The following MYH14 variants were observed in gnomAD, a reference collection of about 807,000 sequenced individuals.
The protein encoded by MYH14 is myosin heavy chain 14.
In MYH14, 123 loss-of-function variants were observed where a neutral mutation model predicts 255.5. The ratio of observed to expected loss-of-function variants is 0.48; its 90% confidence interval spans 0.42 to 0.56. The LOEUF (loss-of-function observed/expected upper bound fraction) is 0.56. Ranked by LOEUF, MYH14 falls within the 20% of genes least tolerant of loss-of-function variation. The pLI is 0.00. For synonymous variants in MYH14, 1,095 were observed against 1,161.2 expected, an observed-to-expected ratio of 0.94 and a Z score of 1.16; for missense variants, 2,423 against 2,802.3, an observed-to-expected ratio of 0.86 and a Z score of 3.06.
Position 50,257,393 on chromosome 19 carries a change from G to A in MYH14, c.2139G>A (p.Gln713=). The A allele has an allele frequency of 6.2e-7, 1 of 1,608,270 alleles. No individual in the cohort carries two copies. Among genetic ancestry groups the A allele is most frequent in the Non-Finnish European group, 8.5e-7 (1 of 1,177,276 alleles). Residue 713 remains glutamine, a synonymous_variant, in exon 18 of 43, where the codon CAG becomes CAA. Transcript: ENST00000642316. ...GGGGTATGTTCCGGACAGTGGGACA[G>A]CTCTACAAGGAGTCCCTGAGCCGCC... ...PRRGMFRTVG[Q]LYKESLSRLM... is the part of the protein sequence containing the mutation.
At chr19:50,303,650 A>C (rs778314965) in intron 40 of MYH14, among the ~76,000 whole-genome samples, 1 of 152,188 alleles carries the variant, frequency 6.6e-6, no homozygotes, top group East Asian at 1.9e-4. Context: ...ACAAAGAGGA[A>C]TGTCTTTTTT....
At chr19:50,208,221 C>T (rs1382363483) in intron 1 of MYH14, among the ~76,000 whole-genome samples, 2 of 152,244 alleles carry the variant, frequency 1.3e-5, no homozygotes, top group East Asian at 3.9e-4. Flanking sequence ...TTGAGACCAG[C>T]CTGGCCAACA....
At position 50,249,107 on chromosome 19, in the gene MYH14, A is replaced by G. The variant is rs1475307304; in HGVS notation, c.1450A>G (p.Ile484Val). 6.3e-7 allele frequency: 1 copy of G among 1,596,404 alleles called. No individual in the cohort carries two copies. The highest frequency in any genetic ancestry group is 1.8e-5 in the Admixed American group (1 of 57,108). Residue 484 changes from isoleucine to valine, a missense_variant, in exon 13 of 43, where the codon ATC (isoleucine) becomes GTC (valine). This residue lies in a region of MYH14 where 672 missense variants were observed against 881.8 expected (regional missense o/e 0.76). Transcript: ENST00000642316. ...SPRQGASFLGILDIAGFEIFQ... is the reference protein window; with the variant it reads ...SPRQGASFLGVLDIAGFEIFQ... ...CCGCCAAGGCGCCTCCTTCCTGGGC[A>G]TCCTGGACATCGCGGGCTTTGAGAT...
chr19:50,242,516 A>G (rs2033930224), intron 10 of MYH14, among the ~76,000 whole-genome samples: 1 of 152,182 alleles, frequency 6.6e-6, no homozygotes, highest in Non-Finnish European at 1.5e-5. Flanking sequence ...CCACGAGAAC[A>G]GTATGGGGGA....
rs148690850 is a variant in MYH14 at position 50,299,428 on chromosome 19, G to A, written c.5470-2233G>A. On this transcript the variant is annotated intron_variant, in intron 39 of 42. Coordinates refer to ENST00000642316, the MANE Select transcript of MYH14 (RefSeq NM_001145809.2). ...CTACAAAAAAATACAAAAATGAGCC[G>A]GACGTGGTGGTGTGTGCCTGTAGTC... Among the ~76,000 whole-genome samples, 452 of 151,476 alleles carry A rather than the reference G, an allele frequency of 3.0e-3. 3 individuals carry two copies. Among genetic ancestry groups the A allele is most frequent in the African/African-American group, 0.01 (423 of 41,258 alleles).
intron 34 of MYH14, among the ~76,000 whole-genome samples, chr19:50,289,033 A>G (rs1021186261): frequency 3.4e-5 from 5 of 145,452 alleles, no homozygotes; most frequent in African/African-American, 1.4e-4. Flanking sequence ...ACCAGCACTG[A>G]TGACCCTGGA....
chr19:50,225,534 C>T (rs1231266226), intron 6 of MYH14, 51 bp from the exon 7 acceptor site: 3 of 1,476,292 alleles, frequency 2.0e-6, no homozygotes, highest in African/African-American at 2.8e-5. Flanking sequence ...GCTGGCCTGG[C>T]CTCCTGCCCC....
At chr19:50,224,074 A>T in intron 5 of MYH14, 80 bp from the exon 6 acceptor site, 1 of 936,734 alleles carries the variant, frequency 1.1e-6, no homozygotes, top group Non-Finnish European at 1.6e-6. Context: ...ACCACCTGAG[A>T]TCACTGGTTC....
chr19:50,217,550 G>A, intron 2 of MYH14, 65 bp from the exon 3 acceptor site: 2 of 1,598,302 alleles, frequency 1.3e-6, no homozygotes, highest in Non-Finnish European at 1.7e-6. Context: ...CTGCTCAGCA[G>A]CCCCATGACG....
chr19:50,301,880 G>T lies in MYH14; in HGVS notation c.5678+11G>T. 6.2e-7 allele frequency: 1 copy of T among 1,603,676 alleles called. No homozygotes were observed. The highest frequency in any genetic ancestry group is 8.5e-7 in the Non-Finnish European group (1 of 1,174,360). On this transcript the variant is annotated intron_variant, in intron 40 of 42. Transcript: ENST00000642316. ...AGAGCAAGAGACCAGGTAGGTGAGA[G>T]CGGAGGCCACAGGAGAAAGGTGACC... is the stretch of plus-strand genomic sequence containing the variant.
At position 50,276,292 on chromosome 19, in the gene MYH14, GGCTT is replaced by G; in HGVS notation, c.3680+90_3680+93del. 4 of 1,056,312 alleles carry G rather than the reference GGCTT, an allele frequency of 3.8e-6. No individual in the cohort carries two copies. Among genetic ancestry groups the G allele is most frequent in the Non-Finnish European group, 5.3e-6 (4 of 751,008 alleles). 65.4% of individuals were successfully genotyped at this position (1,056,312 alleles called of 1,614,324 possible). A position where few individuals can be genotyped will look rare whatever the true frequency, so the allele number is the denominator to read the frequency against. ...GGTACAAAGTCTCTGTCTATACAGA[GGCTT>G]ACTTATTGTACAGTTGTTCATGAAC... On this transcript the variant is annotated intron_variant, in intron 28 of 42. Coordinates refer to ENST00000642316, the MANE Select transcript of MYH14 (RefSeq NM_001145809.2). This position sits in a 1 kb window ranked among gnomAD's most constrained non-coding sequence, Gnocchi z 4.3.
rs1235056978 is a variant in MYH14 at position 50,266,963 on chromosome 19, G to A, written c.2781G>A (p.Gln927=). 3 of 1,566,632 alleles carry A rather than the reference G, an allele frequency of 1.9e-6. No individual in the cohort carries two copies. The highest frequency in any genetic ancestry group is 2.6e-6 in the Non-Finnish European group (3 of 1,155,768). Reference sequence around the variant, plus strand: ...TGCAGAAAGTGCAGGAGCTACAGCAGCAGAGCGCCCGCGAAGTTGGGGAGC... The same window carrying A: ...TGCAGAAAGTGCAGGAGCTACAGCAACAGAGCGCCCGCGAAGTTGGGGAGC... The part of the protein sequence containing the change: ...QELQKVQELQ[Q]QSAREVGELQ... The change falls in exon 23 of 43, where the codon CAG becomes CAA. Residue 927 remains glutamine, a synonymous_variant. Transcript: ENST00000642316. This position sits in a 1 kb window ranked among gnomAD's most constrained non-coding sequence, Gnocchi z 4.1.
At position 50,217,709 on chromosome 19, in the gene MYH14, G is replaced by A. The variant is rs776632941; in HGVS notation, c.500G>A (p.Arg167His). 81 of 1,613,828 alleles carry A rather than the reference G, an allele frequency of 5.0e-5. No individual in the cohort carries two copies. The highest frequency in any genetic ancestry group is 6.2e-5 in the Non-Finnish European group (73 of 1,179,904). ...GTGGAGATGTACCGGGGCAAGAAGC[G>A]CCACGAGGTGCCACCCCACGTGTAC... ...AIVEMYRGKKRHEVPPHVYAV... is the reference protein window; with the variant it reads ...AIVEMYRGKKHHEVPPHVYAV... The change falls in exon 3 of 43, where the codon CGC (arginine) becomes CAC (histidine). Residue 167 changes from arginine to histidine, a missense_variant. Physicochemically the swap from Arg to His is conservative, Grantham distance 29. Transcript: ENST00000642316.
chr19:50,271,907 A>C lies in MYH14; in HGVS notation c.3230A>C (p.Glu1077Ala). 2 of 1,613,172 alleles carry C rather than the reference A, an allele frequency of 1.2e-6. No individual in the cohort carries two copies. The highest frequency in any genetic ancestry group is 1.7e-6 in the Non-Finnish European group (2 of 1,179,670). ...AEFSSQAAEE[E>A]EKVKSLNKLR... ...TTCTCATCCCAGGCAGCTGAGGAGG[A>C]GGAGAAGGTCAAGAGCCTCAATAAG... The change falls in exon 26 of 43, where the codon GAG (glutamate) becomes GCG (alanine). Residue 1077 changes from glutamate to alanine, a missense_variant. This residue lies in a region of MYH14 where 1,513 missense variants were observed against 1,674.8 expected (regional missense o/e 0.90). Coordinates refer to ENST00000642316, the MANE Select transcript of MYH14 (RefSeq NM_001145809.2).
chr19:50,243,713 G>A (rs1483417124), intron 10 of MYH14, among the ~76,000 whole-genome samples: 1 of 152,228 alleles, frequency 6.6e-6, no homozygotes, highest in Non-Finnish European at 1.5e-5. Flanking sequence ...CACATAGATA[G>A]CAGTAAGCCA....
intron 10 of MYH14, among the ~76,000 whole-genome samples, chr19:50,232,604 A>C (rs1450160490): frequency 4.0e-5 from 6 of 151,126 alleles, no homozygotes; most frequent in Non-Finnish European, 8.9e-5. Flanking sequence ...AAAAAAAAAA[A>C]AAAAAAAAAA....
chr19:50,293,114 C>G lies in MYH14; in HGVS notation c.5257-119C>G. ...AGGTTGCAGCTCATTCCAGGGTTAC[C>G]CAGGGACAGCATGAGAAAAAAGCCA... On this transcript the variant is annotated intron_variant, in intron 37 of 42. Transcript: ENST00000642316. The surrounding 1 kb of genome is among the most constrained non-coding windows in gnomAD (Gnocchi z 4.1). The G allele has an allele frequency of 1.4e-6, 1 of 739,256 alleles. No homozygotes were observed. The highest frequency in any genetic ancestry group is 1.6e-5 in the South Asian group (1 of 64,506). The allele number at this position is 739,256 out of a possible 1,614,324, so 45.8% of individuals were successfully genotyped here.
Position 50,225,638 on chromosome 19 carries a change from C to T in MYH14, c.771C>T (p.Gly257=), listed in dbSNP as rs1358550982. ...CCAACCCCATCCTAGAGGCCTTTGG[C>T]AATGCCAAGACAGTGAAGAATGACA... The part of the protein sequence containing the change: ...LQANPILEAF[G]NAKTVKNDNS... Residue 257 remains glycine (G), a synonymous_variant, in exon 7 of 43, where the codon GGC becomes GGT. Coordinates refer to ENST00000642316, the MANE Select transcript of MYH14 (RefSeq NM_001145809.2). 1 of 1,613,898 alleles carries T rather than the reference C, an allele frequency of 6.2e-7. No homozygotes were observed. Among genetic ancestry groups the T allele is most frequent in the Admixed American group, 1.7e-5 (1 of 60,002 alleles).
In MYH14 at chr19:50,255,224, T is replaced by TG; in HGVS notation, c.1955dup (p.Phe653LeufsTer154). 6.4e-7 allele frequency: 1 copy of TG among 1,550,538 alleles called. No individual in the cohort carries two copies. Among genetic ancestry groups the TG allele is most frequent in the South Asian group, 1.2e-5 (1 of 84,036 alleles). On this transcript the variant is annotated frameshift_variant, in exon 17 of 43. Transcript: ENST00000642316. LOFTEE classifies it high-confidence loss of function. ...ACATCTGTCCTCACTCCCCAGAACATGGGGGCTTCCAGCAGTTCTCTTTCC... is the reference window on the plus strand; with the variant it reads ...ACATCTGTCCTCACTCCCCAGAACATGGGGGGCTTCCAGCAGTTCTCTTTCC...
Sources: gnomAD v4.1 joint callset for allele counts (sites outside exome capture counted in the v4.1 genomes callset) on GRCh38, gnomAD v4.1.1 for gene constraint, gnomAD v4.1.1 regional missense constraint, Gnocchi (gnomAD v3.1) non-coding constraint, MANE v1.5 for transcripts, NCBI Gene and HGNC (gene_info 2026-07-23, HGNC 2026-07-21) for gene names.